Variants in ZNF432 observed in about 807,000 individuals in gnomAD.
The protein encoded by ZNF432 is zinc finger protein 432.
Under a neutral mutation model 13.9 loss-of-function variants are expected in ZNF432, and 10 were observed. The observed-to-expected ratio is 0.72, with a 90% CI of 0.44 to 1.22. The LOEUF is 1.22. ZNF432 is among the 50% of genes most tolerant of loss of function. The pLI is 0.00. For missense variants in ZNF432, 793 were observed against 796.2 expected (o/e 1.00, Z 0.05); for synonymous variants, 247 against 256.2 (o/e 0.96, Z 0.34).
intron 2 of ZNF432, among the ~76,000 whole-genome samples, chr19:52,042,541 C>A (rs946191021): frequency 6.6e-6 from 1 of 151,904 alleles, no homozygotes; most frequent in South Asian, 2.1e-4. Context: ...AGAGTGAGAC[C>A]CTATCTCAAA....
chr19:52,043,308 G>A (rs1178456530), intron 2 of ZNF432, among the ~76,000 whole-genome samples: 1 of 152,214 alleles, frequency 6.6e-6, no homozygotes, highest in Non-Finnish European at 1.5e-5. Context: ...CAAACTCAGG[G>A]TTAAATGGAT....
In ZNF432 at chr19:52,034,408, GTA is replaced by G. The variant is rs1568519714; in HGVS notation, c.1269_1270del (p.Thr424SerfsTer8). 6.2e-7 allele frequency: 1 copy of G among 1,613,866 alleles called. No individual in the cohort carries two copies. The highest frequency in any genetic ancestry group is 2.2e-5 in the East Asian group (1 of 44,862). On this transcript the variant is annotated frameshift_variant, in exon 5 of 5. Transcript: ENST00000221315. LOFTEE classifies it low-confidence loss of function (END_TRUNC). ...ACTACATAGATATGACTTCTCTACT[GTA>G]TGATTTCTCTGATGTACAATAAGAT...
At chr19:52,044,074 A>G (rs1005719090) in intron 2 of ZNF432, among the ~76,000 whole-genome samples, 10 of 152,142 alleles carry the variant, frequency 6.6e-5, no homozygotes, top group Admixed American at 1.3e-4. Flanking sequence ...AACACCCACA[A>G]GTGTGGAGGG....
chr19:52,046,007 CAAAAAAA>C lies in ZNF432; in HGVS notation c.15+840_15+846del, dbSNP rs201110474. ...AGATTCCATCTCAAAAAACAAAAAC[CAAAAAAA>C]AAAAAAAAAAAAGAATTTTTTCCCT... On this transcript the variant is annotated intron_variant, in intron 2 of 4. Coordinates refer to ENST00000221315, the MANE Select transcript of ZNF432 (RefSeq NM_014650.4). Among the ~76,000 whole-genome samples the C allele has an allele frequency of 9.2e-5, 8 of 87,084 alleles. No individual in the cohort carries two copies. In the East Asian group the frequency reaches 2.5e-3, roughly 27 times the overall value. The allele number at this position is 87,084 out of a possible 152,430, so 57.1% of individuals were successfully genotyped here. A position where few individuals can be genotyped will look rare whatever the true frequency, so the allele number is the denominator to read the frequency against.
intron 2 of ZNF432, among the ~76,000 whole-genome samples, chr19:52,044,414 T>A (rs58931463): frequency 0.02 from 2,997 of 151,902 alleles, 97 homozygotes; most frequent in African/African-American, 0.069. Flanking sequence ...AGAAAAAAAA[T>A]TTAATTTCTA....
intron 2 of ZNF432, among the ~76,000 whole-genome samples, chr19:52,044,681 C>A (rs1049403558): frequency 6.6e-6 from 1 of 152,066 alleles, no homozygotes; most frequent in African/African-American, 2.4e-5. Context: ...AATATTGGAT[C>A]ATTGAAAATT....
At chr19:52,036,638 T>C (rs559200480) in intron 4 of ZNF432, among the ~76,000 whole-genome samples, 7 of 152,190 alleles carry the variant, frequency 4.6e-5, no homozygotes, top group African/African-American at 1.7e-4. Flanking sequence ...ATGGAAATAA[T>C]CAGTACATAC....
chr19:52,034,017 G>C lies in ZNF432; in HGVS notation c.1662C>G (p.Arg554=), dbSNP rs1322712595. ...GAATTTGCTGATGTACAATGAGATA[G>C]CGTTTCATGGTGAAGCCTTTTCCAC... ...SECGKGFTMK[R]YLIVHQQIHT... is the part of the protein sequence containing the mutation. The change falls in exon 5 of 5, where the codon CGC becomes CGG. Residue 554 remains arginine (R), a synonymous_variant. Coordinates refer to ENST00000221315, the MANE Select transcript of ZNF432 (RefSeq NM_014650.4). The C allele has an allele frequency of 6.2e-7, 1 of 1,614,144 alleles. No homozygotes were observed. Among genetic ancestry groups the C allele is most frequent in the East Asian group, 2.2e-5 (1 of 44,884 alleles).
At chr19:52,038,589 C>G (rs1314518419) in intron 4 of ZNF432, among the ~76,000 whole-genome samples, 3 of 152,186 alleles carry the variant, frequency 2.0e-5, no homozygotes, top group African/African-American at 7.2e-5. Flanking sequence ...CGCACCTGAC[C>G]CATGCCTTCA....
rs1231138710 is a variant in ZNF432 at position 52,032,026 on chromosome 19, AT to A, written c.*1693del. 6.6e-6 allele frequency: 1 copy of A among 152,240 alleles called. No homozygotes were observed. The highest frequency in any genetic ancestry group is 1.5e-5 in the Non-Finnish European group (1 of 68,032). 9.4% of individuals were successfully genotyped at this position (152,240 alleles called of 1,614,324 possible). A position where few individuals can be genotyped will look rare whatever the true frequency, so the allele number is the denominator to read the frequency against. Reference sequence around the variant, plus strand: ...TATTATTATGGTTATGTAAGATAACATTGATGATGCTAAGCAAAGAATACTC... The same window carrying A: ...TATTATTATGGTTATGTAAGATAACATGATGATGCTAAGCAAAGAATACTC... On this transcript the variant is annotated 3_prime_UTR_variant, in exon 5 of 5. Coordinates refer to ENST00000221315, the MANE Select transcript of ZNF432 (RefSeq NM_014650.4).
In ZNF432 at chr19:52,032,995, TATG is replaced by T. The variant is rs2087030349; in HGVS notation, c.*722_*724del. 1.3e-5 allele frequency: 2 copies of T among 152,224 alleles called. No individual in the cohort carries two copies. The highest frequency in any genetic ancestry group is 4.1e-4 in the South Asian group (2 of 4,832). The allele number at this position is 152,224 out of a possible 1,614,324, so 9.4% of individuals were successfully genotyped here. Reference sequence around the variant, plus strand: ...ATGTGTAAGTTCATTGATGATCTATTATGATCACTGAAGAGATAGGGTCTTTCT... The same window carrying T: ...ATGTGTAAGTTCATTGATGATCTATTATCACTGAAGAGATAGGGTCTTTCT... On this transcript the variant is annotated 3_prime_UTR_variant, in exon 5 of 5. Coordinates refer to ENST00000221315, the MANE Select transcript of ZNF432 (RefSeq NM_014650.4).
chr19:52,038,245 CTT>C (rs1426446811), intron 4 of ZNF432, among the ~76,000 whole-genome samples: 1 of 145,104 alleles, frequency 6.9e-6, no homozygotes, highest in African/African-American at 2.5e-5. Context: ...TGAAGCCAAT[CTT>C]TTGATAGTCA....
rs939408523 is a variant in ZNF432 at position 52,032,111 on chromosome 19, T to C, written c.*1609A>G. 2.6e-5 allele frequency: 4 copies of C among 152,156 alleles called. No homozygotes were observed. Among genetic ancestry groups the C allele is most frequent in the Admixed American group, 2.0e-4 (3 of 15,272 alleles). 9.4% of individuals were successfully genotyped at this position (152,156 alleles called of 1,614,324 possible). On this transcript the variant is annotated 3_prime_UTR_variant, in exon 5 of 5. Coordinates refer to ENST00000221315, the MANE Select transcript of ZNF432 (RefSeq NM_014650.4). Reference sequence around the variant, plus strand: ...AATCTAGAATTATTTCAAAACAAATTTTAGAAAAATAACATTTAAGGCATT... The same window carrying C: ...AATCTAGAATTATTTCAAAACAAATCTTAGAAAAATAACATTTAAGGCATT...
intron 2 of ZNF432, among the ~76,000 whole-genome samples, chr19:52,045,959 A>C (rs1181251583): frequency 2.1e-5 from 3 of 142,972 alleles, no homozygotes; most frequent in Non-Finnish European, 4.5e-5. Context: ...CACGCACTGC[A>C]CTCCGGCTTG....
At chr19:52,040,403 C>T in intron 4 of ZNF432, 85 bp downstream of exon 4, 1 of 1,148,362 alleles carries the variant, frequency 8.7e-7, no homozygotes, top group Non-Finnish European at 1.3e-6. Context: ...CTAATGTAGG[C>T]ACTGCTTCTG....
In ZNF432 at chr19:52,032,302, TA is replaced by T. The variant is rs2087021548; in HGVS notation, c.*1417del. Reference sequence around the variant, plus strand: ...AAAACACCTGTGTTATATATAGGATTAAAATTTAATCAGTGATAAGAACAGC... The same window carrying T: ...AAAACACCTGTGTTATATATAGGATTAAATTTAATCAGTGATAAGAACAGC... On this transcript the variant is annotated 3_prime_UTR_variant, in exon 5 of 5. Coordinates refer to ENST00000221315, the MANE Select transcript of ZNF432 (RefSeq NM_014650.4). 2 of 152,114 alleles carry T rather than the reference TA, an allele frequency of 1.3e-5. No individual in the cohort carries two copies. The highest frequency in any genetic ancestry group is 2.9e-5 in the Non-Finnish European group (2 of 68,014). The allele number at this position is 152,114 out of a possible 1,614,324, so 9.4% of individuals were successfully genotyped here.
rs752318174 is a variant in ZNF432, at chr19:52,040,603, G to T, written c.143-20C>A. On this transcript the variant is annotated intron_variant, in intron 3 of 4. Coordinates refer to ENST00000221315, the MANE Select transcript of ZNF432 (RefSeq NM_014650.4). ...GATAACCTGTTTACGGGAAATAATA[G>T]AAGACAGACACACTGGATTGGGCTG... 3.1e-6 allele frequency: 5 copies of T among 1,602,144 alleles called. No homozygotes were observed. The South Asian group carries it at 5.5e-5, about 18-fold the overall frequency.
chr19:52,035,169 A>C lies in ZNF432; in HGVS notation c.510T>G (p.Tyr170Ter), dbSNP rs370453828. ...GDGKSFLHGN[Y>*]EELYSAAKFS... Reference sequence around the variant, plus strand: ...ATTTAGCTGCAGAATAAAGTTCTTCATAGTTACCATGAAGAAATGATTTCC... The same window carrying C: ...ATTTAGCTGCAGAATAAAGTTCTTCCTAGTTACCATGAAGAAATGATTTCC... The change falls in exon 5 of 5, where the codon TAT (tyrosine) becomes TAG (stop). Residue 170 changes from tyrosine to a stop codon, truncating the protein, a stop_gained. Transcript: ENST00000221315. LOFTEE classifies it low-confidence loss of function (END_TRUNC). 6.2e-7 allele frequency: 1 copy of C among 1,613,816 alleles called. No individual in the cohort carries two copies. The highest frequency in any genetic ancestry group is 8.5e-7 in the Non-Finnish European group (1 of 1,179,966).
Position 52,033,405 on chromosome 19 carries a change from T to G in ZNF432, c.*315A>C, listed in dbSNP as rs144694797. ...CAGTTCAGATTCTCTGCAAAAGGAC[T>G]ATGTACCTTACACATTTGTCATGTG... On this transcript the variant is annotated 3_prime_UTR_variant, in exon 5 of 5. Transcript: ENST00000221315. 2.6e-4 allele frequency: 77 copies of G among 300,710 alleles called. No homozygotes were observed. The highest frequency in any genetic ancestry group is 1.5e-3 in the African/African-American group (70 of 46,592). The allele number at this position is 300,710 out of a possible 1,614,324, so 18.6% of individuals were successfully genotyped here.
Sources: allele counts gnomAD v4.1 joint callset (sites outside exome capture counted in the v4.1 genomes callset), GRCh38; gene constraint gnomAD v4.1.1; transcripts MANE v1.5; gene names NCBI Gene and HGNC (gene_info 2026-07-23, HGNC 2026-07-21).